Variants in NENF observed in about 807,000 individuals in gnomAD.
The protein encoded by NENF is neudesin neurotrophic factor.
A neutral mutation model predicts 14.8 loss-of-function variants in NENF; 6 were observed. The ratio of observed to expected loss-of-function variants is 0.40; its 90% confidence interval spans 0.22 to 0.80. NENF has a LOEUF of 0.80. NENF is among the 30% of genes least tolerant of loss of function. NENF has a pLI of 0.34. For synonymous variants in NENF, 76 were observed against 95.1 expected (o/e 0.80, Z 1.17); for missense variants, 184 against 212.7 (o/e 0.87, Z 0.84).
intron 1 of NENF, among the ~76,000 whole-genome samples, chr1:212,440,617 G>A (rs1263253716): frequency 1.3e-5 from 2 of 152,158 alleles, no homozygotes; most frequent in East Asian, 3.9e-4. Context: ...TGTCGTGCCT[G>A]CTAGGTATTA....
At position 212,433,881 on chromosome 1, in the gene NENF, G is replaced by T. The variant is rs969232925; in HGVS notation, c.177+761G>T. On this transcript the variant is annotated intron_variant, in intron 1 of 3. Transcript: ENST00000366988. This position sits in a 1 kb window ranked among gnomAD's most constrained non-coding sequence, Gnocchi z 5.5. ...AGGGGGCTGATATTAGATGTGGAGCGGGGGAACGGCATTGGGGGGAGGTCA... is the reference window on the plus strand; with the variant it reads ...AGGGGGCTGATATTAGATGTGGAGCTGGGGAACGGCATTGGGGGGAGGTCA... Among the ~76,000 whole-genome samples, 3 of 152,130 alleles carry T rather than the reference G, an allele frequency of 2.0e-5. No individual in the cohort carries two copies. Among genetic ancestry groups the T allele is most frequent in the African/African-American group, 7.2e-5 (3 of 41,416 alleles).
At position 212,433,076 on chromosome 1, in the gene NENF, C is replaced by T. The variant is rs530171448; in HGVS notation, c.133C>T (p.Arg45Trp). The change falls in exon 1 of 4, where the codon CGG (arginine) becomes TGG (tryptophan). Residue 45 changes from arginine (R) to tryptophan (W), a missense_variant. Physicochemically the swap from Arg to Trp is moderately radical, Grantham distance 101. Coordinates refer to ENST00000366988, the MANE Select transcript of NENF (RefSeq NM_013349.5). The surrounding 1 kb of genome is among the most constrained non-coding windows in gnomAD (Gnocchi z 5.5). The part of the protein sequence containing the change: ...PRPAERGPPV[R>W]LFTEEELARY... ...CCCTGCCGAGCGGGGGCCCCCAGTG[C>T]GGCTTTTCACCGAGGAGGAGCTGGC... 26 of 1,196,644 alleles carry T rather than the reference C, an allele frequency of 2.2e-5. No homozygotes were observed. The African/African-American group carries it at 3.7e-4, about 17-fold the overall frequency. 74.1% of individuals were successfully genotyped at this position (1,196,644 alleles called of 1,614,324 possible). A position where few individuals can be genotyped will look rare whatever the true frequency, so the allele number is the denominator to read the frequency against.
intron 1 of NENF, among the ~76,000 whole-genome samples, chr1:212,440,157 C>T (rs968135354): frequency 6.8e-6 from 1 of 146,314 alleles, no homozygotes; most frequent in Non-Finnish European, 1.5e-5. Context: ...GAGACTGAGG[C>T]AGGAGAATCG....
At chr1:212,437,679 A>G (rs953593689) in intron 1 of NENF, among the ~76,000 whole-genome samples, 2 of 152,208 alleles carry the variant, frequency 1.3e-5, no homozygotes, top group African/African-American at 4.8e-5. Flanking sequence ...TCCGTGAAGC[A>G]TGGGTGTCCT....
chr1:212,440,030 T>G (rs1414951998), intron 1 of NENF, among the ~76,000 whole-genome samples: 1 of 152,076 alleles, frequency 6.6e-6, no homozygotes, highest in Non-Finnish European at 1.5e-5. Context: ...GGCGGGCAGA[T>G]CACTTGAGGT....
chr1:212,441,076 ATTCT>A (rs892500568), intron 1 of NENF, among the ~76,000 whole-genome samples: 1 of 152,012 alleles, frequency 6.6e-6, no homozygotes, highest in African/African-American at 2.4e-5. Flanking sequence ...TTTTTGTGTA[ATTCT>A]TTCTTGGTGG....
At chr1:212,435,563 T>C (rs1306038300) in intron 1 of NENF, among the ~76,000 whole-genome samples, 1 of 150,882 alleles carries the variant, frequency 6.6e-6, no homozygotes, top group African/African-American at 2.4e-5. Flanking sequence ...TTTTTTTTTT[T>C]TTGAGACAGG....
At chr1:212,443,030 C>T (rs1662721495) in intron 2 of NENF, among the ~76,000 whole-genome samples, 1 of 152,148 alleles carries the variant, frequency 6.6e-6, no homozygotes, top group Admixed American at 6.6e-5. Context: ...TGTGAGCCAC[C>T]ACACCTGGCC....
intron 2 of NENF, among the ~76,000 whole-genome samples, chr1:212,443,679 C>T (rs531419300): frequency 4.6e-5 from 7 of 152,160 alleles, no homozygotes; most frequent in South Asian, 2.1e-4. Flanking sequence ...CGTGAGTCAC[C>T]GCACCCAGCC....
Position 212,436,476 on chromosome 1 carries a change from CT to C in NENF, c.177+3360del, listed in dbSNP as rs551735227. ...AGGCGCCCACCACCATGCCCAGCTA[CT>C]TTTGGTATTTTTAGTAGAGACAGGG... On this transcript the variant is annotated intron_variant, in intron 1 of 3. Transcript: ENST00000366988. Among the ~76,000 whole-genome samples the C allele has an allele frequency of 1.4e-4, 21 of 152,048 alleles. No individual in the cohort carries two copies. In the East Asian group the frequency reaches 4.1e-3, roughly 29 times the overall value.
At chr1:212,436,518 C>T (rs1465599406) in intron 1 of NENF, among the ~76,000 whole-genome samples, 1 of 152,084 alleles carries the variant, frequency 6.6e-6, no homozygotes, top group Non-Finnish European at 1.5e-5. Context: ...CCATCTTGGC[C>T]AGGCTAGTCT....
At chr1:212,435,318 C>T (rs1662586177) in intron 1 of NENF, among the ~76,000 whole-genome samples, 1 of 152,150 alleles carries the variant, frequency 6.6e-6, no homozygotes, top group South Asian at 2.1e-4. Context: ...GTACTGACCC[C>T]CATGCAGTCA....
At chr1:212,443,799 T>C (rs1458714939) in intron 2 of NENF, among the ~76,000 whole-genome samples, 5 of 151,968 alleles carry the variant, frequency 3.3e-5, no homozygotes, top group Non-Finnish European at 7.4e-5. Context: ...ATCCCAGCGC[T>C]TTAGGAGGCC....
chr1:212,445,928 T>A lies in NENF; in HGVS notation c.441T>A (p.Ile147=), dbSNP rs562423418. The A allele has an allele frequency of 6.2e-7, 1 of 1,614,088 alleles. No individual in the cohort carries two copies. Among genetic ancestry groups the A allele is most frequent in the Admixed American group, 1.7e-5 (1 of 60,018 alleles). ...YPIVGYTARR[I]LNEDGSPNLD... ...TCGTCGGCTACACTGCCCGGAGAAT[T>A]CTCAATGAGGATGGCAGCCCTAACC... Residue 147 remains isoleucine (I), a synonymous_variant, in exon 4 of 4, where the codon ATT becomes ATA. Coordinates refer to ENST00000366988, the MANE Select transcript of NENF (RefSeq NM_013349.5).
intron 3 of NENF, 75 bp downstream of exon 3, chr1:212,444,517 TCGTG>T (rs764230527): frequency 9.5e-6 from 8 of 842,450 alleles, no homozygotes; most frequent in South Asian, 1.9e-5. Context: ...CTTTTTCTTT[TCGTG>T]TGTGTGTGTG....
chr1:212,445,897 AC>A lies in NENF; in HGVS notation c.414del (p.Ile139SerfsTer52). The A allele has an allele frequency of 6.2e-7, 1 of 1,614,104 alleles. No individual in the cohort carries two copies. The highest frequency in any genetic ancestry group is 8.5e-7 in the Non-Finnish European group (1 of 1,180,020). ...EVFTKVYKAK[Y>X]PIVGYTARRI... Reference sequence around the variant, plus strand: ...TTCACCAAAGTGTACAAAGCCAAATACCCCATCGTCGGCTACACTGCCCGGA... The same window carrying A: ...TTCACCAAAGTGTACAAAGCCAAATACCCATCGTCGGCTACACTGCCCGGA... On this transcript the variant is annotated frameshift_variant, in exon 4 of 4. Transcript: ENST00000366988. LOFTEE classifies it high-confidence loss of function.
At position 212,433,688 on chromosome 1, in the gene NENF, G is replaced by A. The variant is rs930955140; in HGVS notation, c.177+568G>A. 6.6e-6 allele frequency among the ~76,000 whole-genome samples: 1 copy of A among 152,058 alleles called. No homozygotes were observed. Among genetic ancestry groups the A allele is most frequent in the Non-Finnish European group, 1.5e-5 (1 of 68,014 alleles). On this transcript the variant is annotated intron_variant, in intron 1 of 3. Coordinates refer to ENST00000366988, the MANE Select transcript of NENF (RefSeq NM_013349.5). The surrounding 1 kb of genome is among the most constrained non-coding windows in gnomAD (Gnocchi z 5.5). ...AGCCAAAGCTGGAAGTGAGCGCAGA[G>A]GGTGGACTGGAGGTTAGAGACCCCC...
At chr1:212,435,053 G>T (rs1662582051) in intron 1 of NENF, 1 of 152,210 alleles carries the variant, frequency 6.6e-6, no homozygotes, top group Non-Finnish European at 1.5e-5. Context: ...GATTGTTCTG[G>T]TCTATGCCTG....
intron 3 of NENF, 101 bp downstream of exon 3, chr1:212,444,543 GTGTGTGTGTGTGTGTGTGTGTGTGTA>G (rs943551670): frequency 2.9e-5 from 14 of 476,526 alleles, no homozygotes; most frequent in African/African-American, 2.7e-4. Flanking sequence ...GTGTGTGTGT[GTGTGTGTGTGTGTGTGTGTGTGTGTA>G]TCTGGGCAAG....
Sources: allele counts gnomAD v4.1 joint callset (sites outside exome capture counted in the v4.1 genomes callset), GRCh38; gene constraint gnomAD v4.1.1; non-coding constraint Gnocchi (gnomAD v3.1); transcripts MANE v1.5; gene names NCBI Gene and HGNC (gene_info 2026-07-23, HGNC 2026-07-21).